The following ARAP2 variants were observed in gnomAD, a reference collection of about 807,000 sequenced individuals.
ARAP2 encodes ArfGAP with RhoGAP domain, ankyrin repeat and PH domain 2, also known as arf-GAP with Rho-GAP domain, ANK repeat and PH domain-containing protein 2.
In ARAP2, 148 loss-of-function variants were observed where a neutral mutation model predicts 194.5. The ratio of observed to expected loss-of-function variants is 0.76; its 90% CI spans 0.67 to 0.87. The LOEUF (loss-of-function observed/expected upper bound fraction) is 0.87, where lower values mean the gene tolerates loss of function less well. Among genes scored for constraint, ARAP2 ranks in the 40% least tolerant of loss-of-function variants. The pLI is 0.00. For missense variants in ARAP2, 2,128 were observed against 1,989.7 expected, an observed-to-expected ratio of 1.07 and a Z score of -1.32; for synonymous variants, 695 against 683.5, an observed-to-expected ratio of 1.02 and a Z score of -0.26.
chr4:36,099,632 G>A (rs749961502), intron 27 of ARAP2, among the ~76,000 whole-genome samples: 4 of 152,016 alleles, frequency 2.6e-5, no homozygotes, highest in Non-Finnish European at 4.4e-5. Context: ...TTAAAATAAT[G>A]TAGACTTAAA....
chr4:36,171,784 T>C (rs1736709873), intron 9 of ARAP2, among the ~76,000 whole-genome samples: 1 of 152,182 alleles, frequency 6.6e-6, no homozygotes, highest in Middle Eastern at 3.4e-3. Context: ...TGAAACCAAC[T>C]GAACATAGTA....
intron 9 of ARAP2, among the ~76,000 whole-genome samples, chr4:36,169,110 A>C (rs527780688): frequency 6.6e-6 from 1 of 152,322 alleles, no homozygotes; most frequent in South Asian, 2.1e-4. Flanking sequence ...AAGATAAGAT[A>C]TTTTTAAAAC....
Position 36,238,383 on chromosome 4 carries a change from G to A in ARAP2, c.-160+5796C>T, listed in dbSNP as rs1037709596. On this transcript the variant is annotated intron_variant, in intron 1 of 32. Transcript: ENST00000303965. ...CAGCTGCAGAGGAGGAAAATCCGAC[G>A]CTGAATGTCACGCAATAGATAAACA... 6.0e-4 allele frequency among the ~76,000 whole-genome samples: 91 copies of A among 152,136 alleles called. 3 individuals are homozygous for A. Among genetic ancestry groups the A allele is most frequent in the African/African-American group, 2.9e-4 (12 of 41,426 alleles).
intron 25 of ARAP2, among the ~76,000 whole-genome samples, chr4:36,114,696 A>C (rs187973416): frequency 6.6e-6 from 1 of 152,126 alleles, no homozygotes; most frequent in Admixed American, 6.5e-5. Flanking sequence ...AATTATACAC[A>C]GTCAATGGCT....
chr4:36,197,374 C>T (rs552010150), intron 6 of ARAP2, among the ~76,000 whole-genome samples: 4 of 152,282 alleles, frequency 2.6e-5, no homozygotes, highest in South Asian at 4.1e-4. Flanking sequence ...GAATTTCTAT[C>T]GTATAAATAT....
chr4:36,092,650 TATTA>T (rs1424779673), intron 27 of ARAP2, among the ~76,000 whole-genome samples: 12 of 152,132 alleles, frequency 7.9e-5, no homozygotes, highest in Non-Finnish European at 2.9e-5. Flanking sequence ...ATTTTTAAAA[TATTA>T]ATTACATATT....
At chr4:36,073,878 A>G (rs1047628643) in intron 31 of ARAP2, 55 bp from the exon 32 acceptor site, 1 of 1,588,442 alleles carries the variant, frequency 6.3e-7, no homozygotes, top group African/African-American at 1.3e-5. Flanking sequence ...GTGGTATACT[A>G]TGTCATAAAG....
intron 10 of ARAP2, 28 bp from the exon 11 acceptor site, chr4:36,165,141 C>T (rs1036176468): frequency 1.8e-5 from 29 of 1,611,218 alleles, no homozygotes; most frequent in African/African-American, 5.3e-5. Flanking sequence ...TCTGTGTTAT[C>T]GATCTCCCTT....
intron 21 of ARAP2, among the ~76,000 whole-genome samples, 167 bp from the exon 22 acceptor site, chr4:36,125,134 T>C (rs922777966): frequency 1.3e-5 from 2 of 151,986 alleles, no homozygotes; most frequent in African/African-American, 4.8e-5. Flanking sequence ...TGCCTATTAA[T>C]CTGGAAAAGC....
intron 5 of ARAP2, among the ~76,000 whole-genome samples, chr4:36,044,383 G>A (rs1262032227): frequency 6.6e-6 from 1 of 152,166 alleles, no homozygotes; most frequent in East Asian, 1.9e-4. Context: ...GAGATATTGG[G>A]AGGTAGCAGC....
At chr4:36,040,147 T>G (rs1260746661) in intron 5 of ARAP2, among the ~76,000 whole-genome samples, 1 of 152,200 alleles carries the variant, frequency 6.6e-6, no homozygotes. Flanking sequence ...GCAAGTTGAA[T>G]CATATTTTTC....
chr4:36,034,544 C>T (rs557977690), intron 5 of ARAP2, among the ~76,000 whole-genome samples: 8 of 152,106 alleles, frequency 5.3e-5, no homozygotes, highest in East Asian at 1.9e-4. Context: ...ATCTTTTGGG[C>T]GGGACTATGA....
intron 27 of ARAP2, among the ~76,000 whole-genome samples, chr4:36,099,667 G>A (rs1221470839): frequency 6.6e-6 from 1 of 152,100 alleles, no homozygotes; most frequent in African/African-American, 2.4e-5. Context: ...GGCAAGAGCT[G>A]AAACAATACG....
In ARAP2 at chr4:36,073,829, G is replaced by A; in HGVS notation, c.4609-6C>T. ...GGCCATATATCATATTCATGCTGTG[G>A]AAACACAATTTCTTGCTGTTGGTGT... On this transcript the variant is annotated splice_polypyrimidine_tract_variant and splice_region_variant and intron_variant, in intron 31 of 32. Coordinates refer to ENST00000303965, the MANE Select transcript of ARAP2 (RefSeq NM_015230.4). 1 of 1,612,262 alleles carries A rather than the reference G, an allele frequency of 6.2e-7. No homozygotes were observed. The highest frequency in any genetic ancestry group is 8.5e-7 in the Non-Finnish European group (1 of 1,178,766).
At position 36,193,609 on chromosome 4, in the gene ARAP2, C is replaced by T. The variant is rs768880886; in HGVS notation, c.1526G>A (p.Gly509Asp). Residue 509 changes from glycine (G) to aspartate (D), a missense_variant, in exon 7 of 33, where the codon GGC (glycine) becomes GAC (aspartate). Physicochemically the swap from Gly to Asp is moderately conservative, Grantham distance 94. Coordinates refer to ENST00000303965, the MANE Select transcript of ARAP2 (RefSeq NM_015230.4). ...MFQKRWVKFDGLSISYYNNEK... is the reference protein window; with the variant it reads ...MFQKRWVKFDDLSISYYNNEK... ...ATTATTGTAGTAAGAAATGCTAAGGCCATCAAATTTCACCCATCTCTTTTG... is the reference window on the plus strand; with the variant it reads ...ATTATTGTAGTAAGAAATGCTAAGGTCATCAAATTTCACCCATCTCTTTTG... The T allele has an allele frequency of 6.3e-6, 10 of 1,597,606 alleles. No homozygotes were observed. The highest frequency in any genetic ancestry group is 4.5e-5 in the East Asian group (2 of 44,234).
At chr4:36,098,192 G>A (rs1339853345) in intron 27 of ARAP2, among the ~76,000 whole-genome samples, 1 of 152,006 alleles carries the variant, frequency 6.6e-6, no homozygotes, top group Non-Finnish European at 1.5e-5. Flanking sequence ...GGGAAGAGGA[G>A]AGAGAAACAT....
chr4:36,153,818 A>T (rs1344159712), intron 15 of ARAP2, among the ~76,000 whole-genome samples: 3 of 152,270 alleles, frequency 2.0e-5, no homozygotes, highest in Admixed American at 6.5e-5. Context: ...CCTCCTCTTC[A>T]TCATCATCAT....
intron 28 of ARAP2, among the ~76,000 whole-genome samples, chr4:36,090,910 A>T (rs1260957928): frequency 2.6e-5 from 4 of 152,168 alleles, no homozygotes; most frequent in Non-Finnish European, 5.9e-5. Flanking sequence ...AAACCAAAAA[A>T]AAATTTCAAC....
At chr4:36,015,056 C>T (rs1342774108) in intron 8 of ARAP2, among the ~76,000 whole-genome samples, 1 of 152,152 alleles carries the variant, frequency 6.6e-6, no homozygotes, top group Non-Finnish European at 1.5e-5. Context: ...AACATAAAGA[C>T]ATGATGTTAC....
Sources: allele counts gnomAD v4.1 joint callset (sites outside exome capture counted in the v4.1 genomes callset), GRCh38; gene constraint gnomAD v4.1.1; transcripts MANE v1.5; gene names NCBI Gene and HGNC (gene_info 2026-07-23, HGNC 2026-07-21).